The following ZP3 variants were observed in gnomAD, a reference collection of about 807,000 sequenced individuals.
ZP3 encodes the protein zona pellucida sperm-binding protein 3.
A neutral mutation model predicts 35.6 loss-of-function variants in ZP3; 21 were observed. The ratio of observed to expected loss-of-function variants is 0.59; its 90% CI spans 0.42 to 0.85. The LOEUF (loss-of-function observed/expected upper bound fraction) is 0.85. ZP3 is among the 40% of genes least tolerant of loss of function. The pLI is 0.00. For synonymous variants in ZP3, 207 were observed against 214.5 expected (o/e 0.96, Z 0.31); for missense variants, 437 against 536.5 (o/e 0.81, Z 1.83).
chr7:76,436,049 T>TCCCC (rs1805996083), intron 5 of ZP3, among the ~76,000 whole-genome samples: 13 of 46,714 alleles, frequency 2.8e-4, no homozygotes, highest in African/African-American at 1.4e-3. Context: ...TTTTTTTTTT[T>TCCCC]TTTTTTTTTT....
chr7:76,420,801 G>A (rs992338720), upstream of ZP3, among the ~76,000 whole-genome samples: 1 of 151,954 alleles, frequency 6.6e-6, no homozygotes, highest in African/African-American at 2.4e-5. Context: ...CTTTTACCCA[G>A]GTTCAGCCAA....
intron 1 of ZP3, among the ~76,000 whole-genome samples, chr7:76,398,359 G>C (rs1005476286): frequency 8.2e-5 from 12 of 146,538 alleles, no homozygotes; most frequent in African/African-American, 3.1e-4. Context: ...CCCCAGGCTA[G>C]AGTACAGTGG....
intron 2 of ZP3, among the ~76,000 whole-genome samples, chr7:76,432,430 C>A (rs112326418): frequency 0.041 from 6,292 of 152,138 alleles, 386 homozygotes; most frequent in African/African-American, 0.14. Flanking sequence ...ATGATCCGCC[C>A]GCCTCGGCCT....
At chr7:76,416,816 C>CTA (rs1554623880) in intron 1 of ZP3, among the ~76,000 whole-genome samples, 8,648 of 143,652 alleles carry the variant, frequency 0.06, 374 homozygotes, top group African/African-American at 0.1. Flanking sequence ...CTCTCTCTCT[C>CTA]TATATATATA....
At chr7:76,401,154 G>A (rs1394401461) in intron 1 of ZP3, 2 of 1,362,770 alleles carry the variant, frequency 1.5e-6, no homozygotes, top group African/African-American at 3.0e-5. Context: ...CCATCTTCTT[G>A]GACTTCAGTA....
At chr7:76,397,789 C>G in exon 1 of ZP3, 1 of 1,606,540 alleles carries the variant, frequency 6.2e-7, no homozygotes, top group Non-Finnish European at 8.5e-7. Context: ...CCACTCGGCC[C>G]TGACACAGGT....
chr7:76,411,621 G>C (rs1382418564), intron 1 of ZP3, among the ~76,000 whole-genome samples: 1 of 151,820 alleles, frequency 6.6e-6, no homozygotes, highest in Non-Finnish European at 1.5e-5. Context: ...TATGAGAATG[G>C]TTGAAAAAAA....
chr7:76,400,433 G>C (rs1319151036), intron 1 of ZP3: 3 of 1,607,172 alleles, frequency 1.9e-6, no homozygotes, highest in Non-Finnish European at 2.6e-6. Flanking sequence ...AAGGCAAGGG[G>C]CCGTGGCACG....
At chr7:76,397,696 C>T (rs765193217) in exon 1 of ZP3, 4 of 1,613,356 alleles carry the variant, frequency 2.5e-6, no homozygotes, top group African/African-American at 1.3e-5. Context: ...CCCCGCAGCC[C>T]AGCTGACGAC....
upstream of ZP3, among the ~76,000 whole-genome samples, chr7:76,422,278 C>T (rs1016133666): frequency 6.6e-6 from 1 of 152,110 alleles, no homozygotes; most frequent in Admixed American, 6.6e-5. Context: ...TTCTGCCCCG[C>T]CCACCTCCCC....
intron 1 of ZP3, 80 bp from the exon 2 acceptor site, chr7:76,429,435 C>T (rs1805764926): frequency 7.2e-7 from 1 of 1,381,010 alleles, no homozygotes; most frequent in Non-Finnish European, 1.0e-6. Context: ...GTGGGCTGCC[C>T]TCCCTGAGCA....
upstream of ZP3, among the ~76,000 whole-genome samples, chr7:76,423,421 G>A (rs1226172776): frequency 6.6e-6 from 1 of 152,128 alleles, no homozygotes; most frequent in Non-Finnish European, 1.5e-5. Flanking sequence ...TGAGTTATGG[G>A]CCACCTGGTA....
chr7:76,404,867 C>T (rs1207102534), intron 1 of ZP3, among the ~76,000 whole-genome samples: 13 of 151,504 alleles, frequency 8.6e-5, no homozygotes, highest in African/African-American at 2.2e-4. Flanking sequence ...GTCAGGAGTT[C>T]GAGACTAGCC....
Position 76,416,945 on chromosome 7 carries a change from CATATAT to C in ZP3, c.-66-8083_-66-8078del, listed in dbSNP as rs35169816. 1.7e-3 allele frequency among the ~76,000 whole-genome samples: 125 copies of C among 73,246 alleles called. 2 individuals are homozygous for C. Among genetic ancestry groups the C allele is most frequent in the South Asian group, 0.015 (29 of 1,906 alleles). The allele number at this position is 73,246 out of a possible 152,430, so 48.1% of individuals were successfully genotyped here. On this transcript the variant is annotated intron_variant, in intron 1 of 8. Transcript: ENST00000336517. ...ATATACACATACATATGTATACATACATATATATATATATATATATATATATATAAT... is the reference window on the plus strand; with the variant it reads ...ATATACACATACATATGTATACATACATATATATATATATATATATATAAT...
intron 5 of ZP3, among the ~76,000 whole-genome samples, chr7:76,437,661 A>ATTTT (rs3972771): frequency 0.04 from 5,213 of 129,290 alleles, 7 homozygotes; most frequent in African/African-American, 0.051. Context: ...TAATTTCTGT[A>ATTTT]TTTTTTTTTT....
At chr7:76,398,809 G>A in intron 1 of ZP3, 2 of 1,611,448 alleles carry the variant, frequency 1.2e-6, no homozygotes, top group Non-Finnish European at 1.7e-6. Context: ...TGGAAAGGAA[G>A]TGAAGTGGAT....
chr7:76,430,457 C>A (rs900864637), intron 2 of ZP3, among the ~76,000 whole-genome samples: 1 of 152,082 alleles, frequency 6.6e-6, no homozygotes, highest in Non-Finnish European at 1.5e-5. Flanking sequence ...ATGATGCGGC[C>A]AGGTATGGTG....
chr7:76,439,999 C>G (rs1247470607), intron 5 of ZP3: 10 of 434,422 alleles, frequency 2.3e-5, no homozygotes, highest in South Asian at 2.0e-4. Flanking sequence ...AGGTACCCAC[C>G]ACCACGCCCA....
intron 1 of ZP3, among the ~76,000 whole-genome samples, chr7:76,425,846 C>A (rs546107034): frequency 3.3e-5 from 5 of 152,156 alleles, no homozygotes; most frequent in African/African-American, 1.2e-4. Context: ...TGGCTCACGC[C>A]TGTAATTCCA....
Sources: allele counts gnomAD v4.1 joint callset (sites outside exome capture counted in the v4.1 genomes callset), GRCh38; gene constraint gnomAD v4.1.1; transcripts MANE v1.5; gene names NCBI Gene and HGNC (gene_info 2026-07-23, HGNC 2026-07-21).